Variants in NLRC4 observed in about 807,000 individuals in gnomAD.
NLRC4 encodes NLR family CARD domain-containing protein 4.
Under a neutral mutation model 79.9 loss-of-function variants are expected in NLRC4, and 63 were observed. The ratio of observed to expected loss-of-function variants is 0.79; its 90% confidence interval spans 0.64 to 0.97. NLRC4 has a LOEUF of 0.97. Among genes scored for constraint, NLRC4 ranks in the 50% least tolerant of loss-of-function variants. NLRC4 has a pLI of 0.00. For missense variants in NLRC4, 1,074 were observed against 1,215.2 expected, an observed-to-expected ratio of 0.88 and a Z score of 1.73; for synonymous variants, 461 against 456.5, an observed-to-expected ratio of 1.01 and a Z score of -0.12.
chr2:32,240,625 C>T (rs1360122621), intron 5 of NLRC4, among the ~76,000 whole-genome samples: 2 of 152,052 alleles, frequency 1.3e-5, no homozygotes, highest in Non-Finnish European at 2.9e-5. Flanking sequence ...TTTCTTGATT[C>T]ACATTGTTTC....
At chr2:32,238,327 A>G in intron 5 of NLRC4, 25 bp from the exon 6 acceptor site, 2 of 1,582,300 alleles carry the variant, frequency 1.3e-6, no homozygotes, top group Non-Finnish European at 1.7e-6. Context: ...AAAGGAATGC[A>G]TTAGGATACC....
intron 4 of NLRC4, 59 bp downstream of exon 4, chr2:32,249,548 T>G: frequency 1.5e-6 from 2 of 1,363,298 alleles, no homozygotes; most frequent in Non-Finnish European, 2.0e-6. Flanking sequence ...TTTTCCAAAT[T>G]TATACACTGT....
intron 2 of NLRC4, among the ~76,000 whole-genome samples, chr2:32,256,037 A>C (rs893046165): frequency 6.6e-6 from 1 of 152,082 alleles, no homozygotes; most frequent in Non-Finnish European, 1.5e-5. Context: ...AATTTACAAA[A>C]AAAAATATAT....
At chr2:32,242,600 A>C (rs1247378042) in intron 4 of NLRC4, among the ~76,000 whole-genome samples, 1 of 152,192 alleles carries the variant, frequency 6.6e-6, no homozygotes. Context: ...TTTTCCTTCT[A>C]TCAACTGTCT....
chr2:32,231,667 T>C (rs750714625), intron 8 of NLRC4, among the ~76,000 whole-genome samples: 4 of 150,096 alleles, frequency 2.7e-5, no homozygotes, highest in Middle Eastern at 3.5e-3. Context: ...CTTCCTGAGC[T>C]CAAGCCATCC....
chr2:32,228,859 C>CT (rs749311828), intron 8 of NLRC4, among the ~76,000 whole-genome samples: 2 of 151,790 alleles, frequency 1.3e-5, no homozygotes, highest in Non-Finnish European at 2.9e-5. Flanking sequence ...GCCCCACTGG[C>CT]TCAAGTAAGT....
At chr2:32,231,488 C>G (rs1686531444) in intron 8 of NLRC4, among the ~76,000 whole-genome samples, 1 of 144,994 alleles carries the variant, frequency 6.9e-6, no homozygotes, top group Non-Finnish European at 1.5e-5. Flanking sequence ...AGATGGAAGT[C>G]CTTTATTAGA....
intron 8 of NLRC4, among the ~76,000 whole-genome samples, chr2:32,225,590 A>G (rs1347981470): frequency 6.6e-6 from 1 of 152,176 alleles, no homozygotes; most frequent in Non-Finnish European, 1.5e-5. Context: ...AGTATACAAC[A>G]TTAGGATTTC....
At chr2:32,243,897 A>T (rs1205951722) in intron 4 of NLRC4, among the ~76,000 whole-genome samples, 1 of 152,058 alleles carries the variant, frequency 6.6e-6, no homozygotes, top group Non-Finnish European at 1.5e-5. Context: ...AATTCATTAT[A>T]TTGGCAGTCT....
intron 2 of NLRC4, among the ~76,000 whole-genome samples, chr2:32,256,021 A>C (rs1161256643): frequency 6.6e-6 from 1 of 152,052 alleles, no homozygotes; most frequent in Non-Finnish European, 1.5e-5. Context: ...CTCACACAAA[A>C]AAAAAAATTT....
intron 8 of NLRC4, 89 bp from the exon 9 acceptor site, chr2:32,224,854 T>G (rs1274221042): frequency 1.3e-6 from 1 of 771,306 alleles, no homozygotes; most frequent in African/African-American, 1.8e-5. Flanking sequence ...TACATACTTT[T>G]TTTTCACTCT....
At chr2:32,243,142 G>A (rs1686845628) in intron 4 of NLRC4, among the ~76,000 whole-genome samples, 1 of 152,098 alleles carries the variant, frequency 6.6e-6, no homozygotes, top group African/African-American at 2.4e-5. Context: ...TGGGCGAGGT[G>A]GCTCACACCT....
At chr2:32,263,877 T>C (rs1687406890) in intron 1 of NLRC4, among the ~76,000 whole-genome samples, 2 of 152,184 alleles carry the variant, frequency 1.3e-5, no homozygotes, top group South Asian at 2.1e-4. Context: ...TGTAGACAAT[T>C]AGCAGTGTGA....
intron 1 of NLRC4, among the ~76,000 whole-genome samples, chr2:32,257,825 C>T (rs1337823933): frequency 6.6e-6 from 1 of 152,092 alleles, no homozygotes; most frequent in South Asian, 2.1e-4. Flanking sequence ...GGGGATCATA[C>T]AGATGGGCGG....
intron 4 of NLRC4, among the ~76,000 whole-genome samples, chr2:32,243,098 G>A (rs1314706507): frequency 6.6e-6 from 1 of 151,222 alleles, no homozygotes; most frequent in African/African-American, 2.4e-5. Context: ...AGGAGGGAGG[G>A]AAGGACGGAA....
At chr2:32,241,783 T>C (rs994564289) in intron 4 of NLRC4, among the ~76,000 whole-genome samples, 1 of 92,052 alleles carries the variant, frequency 1.1e-5, no homozygotes, top group Admixed American at 1.2e-4. Flanking sequence ...TTTTGAAAAA[T>C]ATAAAAATAA....
chr2:32,237,915 A>G (rs751445115), intron 6 of NLRC4, among the ~76,000 whole-genome samples: 7 of 152,188 alleles, frequency 4.6e-5, no homozygotes, highest in East Asian at 1.9e-4. Flanking sequence ...TACATCTTCA[A>G]TTATTCTGAA....
intron 4 of NLRC4, among the ~76,000 whole-genome samples, chr2:32,245,822 A>G (rs1400945097): frequency 6.6e-6 from 1 of 152,236 alleles, no homozygotes; most frequent in Non-Finnish European, 1.5e-5. Context: ...TTGATACACG[A>G]AATTTGCTTC....
chr2:32,244,640 C>T (rs561579277), intron 4 of NLRC4, among the ~76,000 whole-genome samples: 68 of 152,114 alleles, frequency 4.5e-4, no homozygotes, highest in Middle Eastern at 3.4e-3. Context: ...ATAAAAATGT[C>T]AAGGAATCTA....
Sources: gnomAD v4.1 joint callset for allele counts (sites outside exome capture counted in the v4.1 genomes callset) on GRCh38, gnomAD v4.1.1 for gene constraint, MANE v1.5 for transcripts, NCBI Gene and HGNC (gene_info 2026-07-23, HGNC 2026-07-21) for gene names.